BBX: variants seen among roughly 807,000 people sequenced by gnomAD.
BBX encodes HMG box transcription factor BBX.
A neutral mutation model predicts 100.2 loss-of-function variants in BBX; 30 were observed. The observed-to-expected ratio is 0.30, with a 90% confidence interval of 0.22 to 0.41. The LOEUF (loss-of-function observed/expected upper bound fraction) is 0.41, where lower values mean the gene tolerates loss of function less well. Among genes scored for constraint, BBX ranks in the 10% least tolerant of loss-of-function variants. BBX has a pLI of 1.00. For synonymous variants in BBX, 376 were observed against 388.1 expected (o/e 0.97, Z 0.37); for missense variants, 1,023 against 1,129.8 (o/e 0.91, Z 1.35).
chr3:107,746,395 C>G (rs1360042651), intron 8 of BBX, among the ~76,000 whole-genome samples: 2 of 152,094 alleles, frequency 1.3e-5, no homozygotes, highest in African/African-American at 4.8e-5. Context: ...AAGAAAAGTT[C>G]TAAAATTTTA....
intron 3 of BBX, among the ~76,000 whole-genome samples, chr3:107,709,725 T>A (rs751105854): frequency 3.5e-4 from 53 of 152,234 alleles, no homozygotes; most frequent in Non-Finnish European, 8.8e-5. Context: ...CAAACCTCGT[T>A]TTATGCTATT....
intron 2 of BBX, among the ~76,000 whole-genome samples, chr3:107,632,039 C>G (rs2056580442): frequency 6.6e-6 from 1 of 151,940 alleles, no homozygotes; most frequent in Non-Finnish European, 1.5e-5. Context: ...ATTTCAGATC[C>G]TAGTGGGAAC....
At chr3:107,704,269 A>G (rs1379227690) in intron 3 of BBX, among the ~76,000 whole-genome samples, 6 of 152,224 alleles carry the variant, frequency 3.9e-5, no homozygotes, top group Admixed American at 3.9e-4. Flanking sequence ...GAGAAGTCAT[A>G]TGTGGTTAAG....
chr3:107,571,997 A>G (rs993794145), intron 2 of BBX, among the ~76,000 whole-genome samples: 2 of 152,234 alleles, frequency 1.3e-5, no homozygotes, highest in African/African-American at 4.8e-5. Flanking sequence ...TGTGCAGGGC[A>G]TTTACTTTTT....
chr3:107,710,803 C>T (rs1478500430), intron 4 of BBX, among the ~76,000 whole-genome samples, 181 bp downstream of exon 4: 1 of 152,132 alleles, frequency 6.6e-6, no homozygotes, highest in Non-Finnish European at 1.5e-5. Flanking sequence ...AGTATTTGTA[C>T]TTCCTAATAG....
chr3:107,650,217 G>A (rs1225425477), intron 3 of BBX, among the ~76,000 whole-genome samples: 1 of 152,120 alleles, frequency 6.6e-6, no homozygotes, highest in African/African-American at 2.4e-5. Context: ...CACAGCAGGA[G>A]CTGAGCACCA....
At chr3:107,761,742 G>A (rs1263392499) in intron 10 of BBX, among the ~76,000 whole-genome samples, 1 of 152,142 alleles carries the variant, frequency 6.6e-6, no homozygotes, top group Non-Finnish European at 1.5e-5. Context: ...GTGGAAAAAG[G>A]AGAAGATTGC....
At chr3:107,749,968 C>G (rs148995819) in intron 9 of BBX, among the ~76,000 whole-genome samples, 59 of 152,204 alleles carry the variant, frequency 3.9e-4, no homozygotes, top group African/African-American at 1.4e-3. Context: ...TCATCAGATT[C>G]ATTAGGAGCT....
chr3:107,668,963 A>G (rs1297585422), intron 3 of BBX, among the ~76,000 whole-genome samples: 1 of 152,118 alleles, frequency 6.6e-6, no homozygotes, highest in Non-Finnish European at 1.5e-5. Flanking sequence ...TAAGGGAGAC[A>G]CCTACTTTTT....
At chr3:107,653,375 A>AG (rs1403613538) in intron 3 of BBX, among the ~76,000 whole-genome samples, 5 of 152,192 alleles carry the variant, frequency 3.3e-5, no homozygotes, top group African/African-American at 1.2e-4. Flanking sequence ...GTGAGATTTA[A>AG]GGCAGGCACT....
rs184175780 is a variant in BBX, at chr3:107,670,861, C to T, written c.-10+24952C>T. On this transcript the variant is annotated intron_variant, in intron 3 of 17. Coordinates refer to ENST00000325805, the MANE Select transcript of BBX (RefSeq NM_001142568.3). ...ACCAACACCAACAACATCTCTACCT[C>T]GGCACTCCCTGCACAAGACATTCTG... 1.1e-3 allele frequency among the ~76,000 whole-genome samples: 173 copies of T among 152,140 alleles called. 1 individual carries two copies. Among genetic ancestry groups the T allele is most frequent in the African/African-American group, 3.5e-3 (147 of 41,546 alleles).
chr3:107,749,032 C>T (rs1452489052), intron 9 of BBX, among the ~76,000 whole-genome samples: 1 of 151,820 alleles, frequency 6.6e-6, no homozygotes, highest in Non-Finnish European at 1.5e-5. Context: ...TGGGACAACT[C>T]GTGTCAACTA....
chr3:107,736,959 T>C (rs1030106349), intron 7 of BBX, among the ~76,000 whole-genome samples: 1 of 152,122 alleles, frequency 6.6e-6, no homozygotes, highest in Non-Finnish European at 1.5e-5. Flanking sequence ...TTCAAATATA[T>C]GGGAAGTACC....
intron 3 of BBX, among the ~76,000 whole-genome samples, chr3:107,677,121 A>G (rs1372897009): frequency 1.3e-5 from 2 of 152,132 alleles, no homozygotes; most frequent in Non-Finnish European, 2.9e-5. Context: ...AACATTCCTG[A>G]TATGTTCTCA....
chr3:107,700,564 A>T (rs893830545), intron 3 of BBX, among the ~76,000 whole-genome samples: 1 of 149,082 alleles, frequency 6.7e-6, no homozygotes, highest in Admixed American at 6.6e-5. Flanking sequence ...CATTAGGTAT[A>T]TCTCCTAATG....
chr3:107,803,703 G>T (rs572148919), intron 17 of BBX, among the ~76,000 whole-genome samples: 5 of 152,206 alleles, frequency 3.3e-5, no homozygotes, highest in African/African-American at 1.2e-4. Context: ...CAGCCAATTT[G>T]TGCCCAAGTC....
At chr3:107,650,790 C>T (rs1263772314) in intron 3 of BBX, among the ~76,000 whole-genome samples, 4 of 152,212 alleles carry the variant, frequency 2.6e-5, no homozygotes, top group Non-Finnish European at 4.4e-5. Flanking sequence ...GCTTGTGTTG[C>T]TGTAACACAT....
intron 5 of BBX, among the ~76,000 whole-genome samples, 156 bp from the exon 6 acceptor site, chr3:107,728,609 A>G (rs985297964): frequency 3.3e-5 from 5 of 152,200 alleles, no homozygotes; most frequent in African/African-American, 1.2e-4. Flanking sequence ...CTAGAACCCT[A>G]TGCTGAGATT....
chr3:107,792,661 A>G (rs2069182570), intron 15 of BBX, among the ~76,000 whole-genome samples: 1 of 152,234 alleles, frequency 6.6e-6, no homozygotes, highest in Non-Finnish European at 1.5e-5. Flanking sequence ...AGTGCTGGCA[A>G]AACAAAATAT....
Sources: allele counts gnomAD v4.1 joint callset (sites outside exome capture counted in the v4.1 genomes callset), GRCh38; gene constraint gnomAD v4.1.1; transcripts MANE v1.5; gene names NCBI Gene and HGNC (gene_info 2026-07-23, HGNC 2026-07-21).